KLHL13: variants seen among roughly 807,000 people sequenced by gnomAD.
KLHL13 encodes the protein kelch-like protein 13.
Under a neutral mutation model 37.1 loss-of-function variants are expected in KLHL13, and 10 were observed. The ratio of observed to expected loss-of-function variants is 0.27; its 90% CI spans 0.17 to 0.46. KLHL13 has a LOEUF of 0.46. Ranked by LOEUF, KLHL13 falls within the 20% of genes least tolerant of loss-of-function variation. KLHL13 has a pLI of 1.00. For synonymous variants in KLHL13, 163 were observed against 181.2 expected (o/e 0.90, Z 0.81); for missense variants, 360 against 509.3 (o/e 0.71, Z 2.82).
At chrX:118,044,149 A>G (rs760587137) in intron 1 of KLHL13, among the ~76,000 whole-genome samples, 2 of 111,498 alleles carry the variant, frequency 1.8e-5, no homozygotes, top group African/African-American at 6.6e-5. Flanking sequence ...AGCCACACAT[A>G]AAGGAAAATA....
chrX:117,923,359 T>C (rs1931828118), intron 2 of KLHL13, among the ~76,000 whole-genome samples: 1 of 112,262 alleles, frequency 8.9e-6, no homozygotes, highest in Admixed American at 9.5e-5. Flanking sequence ...AAGATACTAA[T>C]GAGATGAGTC....
intron 1 of KLHL13, among the ~76,000 whole-genome samples, chrX:118,036,181 C>A (rs1399675535): frequency 1.0e-4 from 9 of 87,896 alleles, no homozygotes; most frequent in Non-Finnish European, 2.0e-4. Context: ...AGGTAATTTA[C>A]AGATTCAATG....
intron 1 of KLHL13, among the ~76,000 whole-genome samples, chrX:118,101,583 A>C (rs6603365): frequency 0.14 from 15,483 of 110,881 alleles, 1,368 homozygotes; most frequent in African/African-American, 0.32. Flanking sequence ...CTAAACTGAA[A>C]CCTCAAGGAC....
chrX:118,073,886 C>G (rs2054900649), intron 1 of KLHL13, among the ~76,000 whole-genome samples: 1 of 111,325 alleles, frequency 9.0e-6, no homozygotes, highest in Non-Finnish European at 1.9e-5. Flanking sequence ...AGATCAAATC[C>G]TACTGTTTCA....
At position 118,071,683 on chromosome X, in the gene KLHL13, C is replaced by T. The variant is rs1249597920; in HGVS notation, c.-56+44825G>A. Among the ~76,000 whole-genome samples, 391 of 109,418 alleles carry T rather than the reference C, an allele frequency of 3.6e-3. 3 individuals carry two copies. Among genetic ancestry groups the T allele is most frequent in the Non-Finnish European group, 5.0e-3 (261 of 52,621 alleles). ...AATCACAAGCATTCTTATACACCAA[C>T]AACAGACAAACAAAGAGCCAAATCA... On this transcript the variant is annotated intron_variant, in intron 1 of 6. Transcript: ENST00000371882.
chrX:118,083,852 G>A (rs954286245), intron 1 of KLHL13, among the ~76,000 whole-genome samples: 2 of 111,282 alleles, frequency 1.8e-5, no homozygotes, highest in African/African-American at 6.5e-5. Context: ...CAATTATCAT[G>A]TATCAATTTA....
At chrX:118,105,135 A>T (rs2148182331) in intron 1 of KLHL13, among the ~76,000 whole-genome samples, 1 of 112,614 alleles carries the variant, frequency 8.9e-6, no homozygotes, top group South Asian at 3.6e-4. Flanking sequence ...AAATATTCAG[A>T]AATACGTTCC....
At chrX:118,008,984 T>C (rs1036919522) in intron 1 of KLHL13, among the ~76,000 whole-genome samples, 1 of 112,130 alleles carries the variant, frequency 8.9e-6, no homozygotes, top group African/African-American at 3.2e-5. Context: ...CTCTTGCCAA[T>C]ACAACTACTA....
intron 1 of KLHL13, among the ~76,000 whole-genome samples, chrX:118,037,261 T>G (rs1387110885): frequency 1.2e-5 from 1 of 85,327 alleles, no homozygotes; most frequent in Non-Finnish European, 2.3e-5. Context: ...CCCAAAGGAC[T>G]ATAAATCATG....
intron 5 of KLHL13, among the ~76,000 whole-genome samples, chrX:117,903,649 C>T (rs1002753010): frequency 1.8e-5 from 2 of 110,832 alleles, no homozygotes; most frequent in African/African-American, 6.6e-5. Flanking sequence ...CTCTCTCTCT[C>T]GCCACATAAG....
chrX:117,948,698 G>A (rs2147812642), intron 1 of KLHL13, among the ~76,000 whole-genome samples: 1 of 111,303 alleles, frequency 9.0e-6, no homozygotes, highest in African/African-American at 3.3e-5. Context: ...TTGCTTGCAT[G>A]CCACCCCCCG....
intron 1 of KLHL13, among the ~76,000 whole-genome samples, chrX:117,949,997 G>A (rs898824354): frequency 2.7e-5 from 3 of 111,928 alleles, no homozygotes; most frequent in African/African-American, 9.7e-5. Flanking sequence ...AATTTCTGAA[G>A]GGAAAAAAGA....
At chrX:117,929,885 T>C (rs1932310650) in intron 2 of KLHL13, among the ~76,000 whole-genome samples, 1 of 108,928 alleles carries the variant, frequency 9.2e-6, no homozygotes, top group African/African-American at 3.3e-5. Flanking sequence ...GGATTGCTTG[T>C]GCCTGGGAGG....
At chrX:117,952,032 T>A (rs1933638752) in intron 1 of KLHL13, among the ~76,000 whole-genome samples, 1 of 111,424 alleles carries the variant, frequency 9.0e-6, no homozygotes, top group African/African-American at 3.3e-5. Context: ...ATGACTTTCT[T>A]CACAGAATTG....
At chrX:117,929,727 A>G (rs1569418173) in intron 2 of KLHL13, among the ~76,000 whole-genome samples, 1 of 96,205 alleles carries the variant, frequency 1.0e-5, no homozygotes. Flanking sequence ...GGATTGCTTG[A>G]GCCCAGCTGT....
chrX:118,069,003 T>C (rs1034506328), intron 1 of KLHL13, among the ~76,000 whole-genome samples: 1 of 109,982 alleles, frequency 9.1e-6, no homozygotes, highest in Non-Finnish European at 1.9e-5. Context: ...CAGCCATGCC[T>C]GCACCCTGCC....
At chrX:117,950,938 T>G (rs1933563000) in intron 1 of KLHL13, among the ~76,000 whole-genome samples, 1 of 112,392 alleles carries the variant, frequency 8.9e-6, no homozygotes, top group Non-Finnish European at 1.9e-5. Flanking sequence ...CAGGGCTAAA[T>G]CTGTCAAGGT....
At position 118,032,380 on chromosome X, in the gene KLHL13, G is replaced by A. The variant is rs58522571; in HGVS notation, c.-56+84128C>T. Among the ~76,000 whole-genome samples, 912 of 111,791 alleles carry A rather than the reference G, an allele frequency of 8.2e-3. 7 individuals are homozygous for A. Among genetic ancestry groups the A allele is most frequent in the African/African-American group, 0.028 (852 of 30,667 alleles). ...AAGACAACAGTGGTTCTCCCAGCACGCAGCTGGAGATCTGAGAACGGGCAG... is the reference window on the plus strand; with the variant it reads ...AAGACAACAGTGGTTCTCCCAGCACACAGCTGGAGATCTGAGAACGGGCAG... On this transcript the variant is annotated intron_variant, in intron 1 of 6. Coordinates refer to the KLHL13 transcript ENST00000371882.
intron 1 of KLHL13, among the ~76,000 whole-genome samples, chrX:117,968,141 G>A (rs1203152911): frequency 1.9e-5 from 2 of 107,522 alleles, no homozygotes; most frequent in African/African-American, 6.6e-5. Context: ...ATGAGAAGAC[G>A]CCTAAGCGTG....
Sources: gnomAD v4.1 joint callset for allele counts (sites outside exome capture counted in the v4.1 genomes callset) on GRCh38, gnomAD v4.1.1 for gene constraint, MANE v1.5 for transcripts, NCBI Gene and HGNC (gene_info 2026-07-23, HGNC 2026-07-21) for gene names.